Variants in DNAH6 observed in about 807,000 individuals in gnomAD.
The protein encoded by DNAH6 is dynein axonemal heavy chain 6.
In DNAH6, 340 loss-of-function variants were observed where a neutral mutation model predicts 491.4. The observed-to-expected ratio is 0.69, with a 90% CI of 0.63 to 0.76. DNAH6 has a LOEUF of 0.76. Ranked by LOEUF, DNAH6 falls within the 30% of genes least tolerant of loss-of-function variation. The pLI, the probability that DNAH6 is intolerant of heterozygous loss-of-function variation, is 0.00. For synonymous variants in DNAH6, 1,603 were observed against 1,686.1 expected (o/e 0.95, Z 1.21); for missense variants, 4,443 against 4,972.2 (o/e 0.89, Z 3.20).
chr2:84,525,161 A>G (rs1676494267), intron 2 of DNAH6, among the ~76,000 whole-genome samples: 1 of 152,028 alleles, frequency 6.6e-6, no homozygotes, highest in Non-Finnish European at 1.5e-5. Flanking sequence ...TAGATCTTCA[A>G]TAAGTTATGG....
chr2:84,653,450 T>TA lies in DNAH6; in HGVS notation c.5211dup (p.Gln1738ThrfsTer4). ...GAGATGTGTATGGTTAGAAAGGTGATACAGTTTTATGAAACTATGCTAGTA... is the reference window on the plus strand; with the variant it reads ...GAGATGTGTATGGTTAGAAAGGTGATAACAGTTTTATGAAACTATGCTAGTA... On this transcript the variant is annotated frameshift_variant, in exon 34 of 77. Coordinates refer to ENST00000389394, the MANE Select transcript of DNAH6 (RefSeq NM_001370.2). LOFTEE classifies it high-confidence loss of function. 8 of 1,551,258 alleles carry TA rather than the reference T, an allele frequency of 5.2e-6. No individual in the cohort carries two copies. The highest frequency in any genetic ancestry group is 7.0e-6 in the Non-Finnish European group (8 of 1,146,690).
chr2:84,606,868 A>G, intron 20 of DNAH6, 108 bp from the exon 21 acceptor site: 1 of 1,146,396 alleles, frequency 8.7e-7, no homozygotes. Flanking sequence ...CTAAGCTATT[A>G]ATTCAAAGAG....
At chr2:84,522,503 A>G (rs1676246627) in intron 2 of DNAH6, among the ~76,000 whole-genome samples, 3 of 152,108 alleles carry the variant, frequency 2.0e-5, no homozygotes, top group Admixed American at 1.3e-4. Context: ...AGGACTTCCA[A>G]TACTATGTAG....
At chr2:84,464,705 G>A in the DNAH6 span, among the ~76,000 whole-genome samples, 1 of 152,134 alleles carries the variant, frequency 6.6e-6, no homozygotes, top group Non-Finnish European at 1.5e-5. Flanking sequence ...TCATGGCACT[G>A]GTGGGAGTGT....
At chr2:84,615,223 T>G (rs966409853) in intron 22 of DNAH6, among the ~76,000 whole-genome samples, 3 of 152,040 alleles carry the variant, frequency 2.0e-5, no homozygotes, top group African/African-American at 7.2e-5. Context: ...AGGTGAGAGA[T>G]GAGGATCCAG....
intron 64 of DNAH6, among the ~76,000 whole-genome samples, chr2:84,763,386 T>G (rs1172269985): frequency 6.6e-6 from 1 of 152,180 alleles, no homozygotes; most frequent in East Asian, 1.9e-4. Flanking sequence ...CCCATTTACA[T>G]TATTTTCTTC....
intron 4 of DNAH6, among the ~76,000 whole-genome samples, chr2:84,536,669 G>A (rs1677721309): frequency 6.6e-6 from 1 of 151,918 alleles, no homozygotes; most frequent in African/African-American, 2.4e-5. Flanking sequence ...AGTCGAAAAG[G>A]GAGTTTTCAT....
At chr2:84,538,989 A>G (rs937783084) in intron 4 of DNAH6, among the ~76,000 whole-genome samples, 1 of 152,084 alleles carries the variant, frequency 6.6e-6, no homozygotes, top group Non-Finnish European at 1.5e-5. Flanking sequence ...AAAACTTTAG[A>G]ATTAGGTATA....
intron 67 of DNAH6, 70 bp from the exon 68 acceptor site, chr2:84,787,094 G>A: frequency 8.2e-7 from 1 of 1,223,516 alleles, no homozygotes; most frequent in Non-Finnish European, 1.1e-6. Flanking sequence ...TTTCTTTTTA[G>A]TTTCCAGTAT....
At chr2:84,662,917 GGATC>G (rs1691673561) in intron 37 of DNAH6, among the ~76,000 whole-genome samples, 1 of 152,102 alleles carries the variant, frequency 6.6e-6, no homozygotes, top group Non-Finnish European at 1.5e-5. Context: ...TCCAGAGGAA[GGATC>G]AGGCAGCAAT....
At chr2:84,581,798 T>C (rs1683059743) in intron 14 of DNAH6, among the ~76,000 whole-genome samples, 2 of 152,160 alleles carry the variant, frequency 1.3e-5, no homozygotes. Flanking sequence ...TTAAGTAGAA[T>C]TGAAAGGACT....
intron 4 of DNAH6, among the ~76,000 whole-genome samples, chr2:84,533,121 A>G (rs1409957441): frequency 6.6e-6 from 1 of 152,104 alleles, no homozygotes; most frequent in Non-Finnish European, 1.5e-5. Flanking sequence ...GTAGTGTCTG[A>G]GCACTTAGCT....
chr2:84,695,705 A>G (rs1434249062), intron 46 of DNAH6, among the ~76,000 whole-genome samples: 1 of 152,034 alleles, frequency 6.6e-6, no homozygotes, highest in Non-Finnish European at 1.5e-5. Context: ...ACAAAGAGAA[A>G]ACATTTGAAT....
intron 55 of DNAH6, 90 bp from the exon 56 acceptor site, chr2:84,710,196 TA>T (rs1696896342): frequency 6.8e-7 from 1 of 1,464,542 alleles, no homozygotes; most frequent in Non-Finnish European, 9.1e-7. Context: ...CTAGATTGAA[TA>T]ACATTTCCAC....
chr2:84,708,648 G>C (rs1025440829), intron 54 of DNAH6, among the ~76,000 whole-genome samples: 3 of 151,854 alleles, frequency 2.0e-5, no homozygotes, highest in Non-Finnish European at 4.4e-5. Context: ...GAAAGAAAGA[G>C]AGAAAGAAAG....
chr2:84,795,644 C>G (rs1678272471), intron 68 of DNAH6, among the ~76,000 whole-genome samples: 1 of 152,122 alleles, frequency 6.6e-6, no homozygotes, highest in Non-Finnish European at 1.5e-5. Context: ...TGAATTGTAG[C>G]AATGGATCTG....
chr2:84,633,025 A>G (rs1186238713), intron 29 of DNAH6, among the ~76,000 whole-genome samples: 3 of 152,128 alleles, frequency 2.0e-5, no homozygotes, highest in Admixed American at 6.5e-5. Context: ...CCTTCCTTGA[A>G]TGAAAGAACT....
At chr2:84,515,486 C>G (rs1675529146), upstream of DNAH6, among the ~76,000 whole-genome samples, 1 of 152,170 alleles carries the variant, frequency 6.6e-6, no homozygotes, top group Non-Finnish European at 1.5e-5. Flanking sequence ...GAGAATCATA[C>G]TACCATATCA....
intron 29 of DNAH6, among the ~76,000 whole-genome samples, chr2:84,625,909 C>T (rs1393621600): frequency 2.0e-5 from 3 of 152,076 alleles, no homozygotes. Flanking sequence ...TTTTAAATAA[C>T]TTTTTCAGTT....
Sources: gnomAD v4.1 joint callset for allele counts (sites outside exome capture counted in the v4.1 genomes callset) on GRCh38, gnomAD v4.1.1 for gene constraint, MANE v1.5 for transcripts, NCBI Gene and HGNC (gene_info 2026-07-23, HGNC 2026-07-21) for gene names.